SPIC: variants seen among roughly 807,000 people sequenced by gnomAD.
SPIC encodes the protein transcription factor Spi-C.
In SPIC, 9 loss-of-function variants were observed where a neutral mutation model predicts 16.7. The observed-to-expected ratio is 0.54, with a 90% CI of 0.33 to 0.94. The LOEUF (loss-of-function observed/expected upper bound fraction) is 0.94, where lower values mean the gene tolerates loss of function less well. SPIC is among the 40% of genes least tolerant of loss of function. The probability of loss-of-function intolerance (pLI) is 0.03; values close to 1 mark genes in which losing one functional copy is unlikely to be tolerated. For missense variants in SPIC, 241 were observed against 285.8 expected (o/e 0.84, Z 1.13); for synonymous variants, 97 against 102.9 (o/e 0.94, Z 0.35).
intron 3 of SPIC, among the ~76,000 whole-genome samples, chr12:101,478,637 C>T (rs925044786): frequency 7.9e-5 from 12 of 152,136 alleles, no homozygotes; most frequent in South Asian, 2.1e-4. Flanking sequence ...ATAGACAGTT[C>T]ATTTTAACTA....
chr12:101,476,354 A>T (rs1872957272), intron 1 of SPIC, among the ~76,000 whole-genome samples: 1 of 152,194 alleles, frequency 6.6e-6, no homozygotes, highest in South Asian at 2.1e-4. Flanking sequence ...TTCACAGGCT[A>T]AATTTTATTT....
At chr12:101,479,306 AAAAAG>A (rs1425949035) in intron 3 of SPIC, among the ~76,000 whole-genome samples, 2,536 of 38,402 alleles carry the variant, frequency 0.066, 187 homozygotes, top group African/African-American at 0.11. Flanking sequence ...GAAAGAAAGA[AAAAAG>A]AAAGAAAGAA....
Position 101,486,666 on chromosome 12 carries a change from A to C in SPIC, c.642A>C (p.Ser214=), listed in dbSNP as rs1873377023. ...TCCTGGGGAAAGAGATCTTCTATTCACAGTGTGTTCAACCTGATCAAGAAT... is the reference window on the plus strand; with the variant it reads ...TCCTGGGGAAAGAGATCTTCTATTCCCAGTGTGTTCAACCTGATCAAGAAT... ...SYFLGKEIFY[S]QCVQPDQEYL... is the part of the protein sequence containing the mutation. Residue 214 remains serine (S), a synonymous_variant, in exon 6 of 6, where the codon TCA becomes TCC. Transcript: ENST00000551346. 6.2e-7 allele frequency: 1 copy of C among 1,613,786 alleles called. No individual in the cohort carries two copies. The highest frequency in any genetic ancestry group is 1.3e-5 in the African/African-American group (1 of 74,908).
intron 4 of SPIC, among the ~76,000 whole-genome samples, chr12:101,482,026 T>A (rs941234036): frequency 2.1e-5 from 3 of 142,290 alleles, no homozygotes; most frequent in African/African-American, 7.7e-5. Flanking sequence ...GTGGATCGCC[T>A]GAGGTCGGGA....
At chr12:101,480,273 GT>G (rs1019564058) in intron 4 of SPIC, among the ~76,000 whole-genome samples, 1 of 152,222 alleles carries the variant, frequency 6.6e-6, no homozygotes, top group African/African-American at 2.4e-5. Flanking sequence ...TTTTCAGGAT[GT>G]TAATATCAGT....
intron 5 of SPIC, among the ~76,000 whole-genome samples, chr12:101,483,866 G>T (rs1873284296): frequency 6.6e-6 from 1 of 152,124 alleles, no homozygotes; most frequent in African/African-American, 2.4e-5. Flanking sequence ...TGGGATTACA[G>T]GTGTGAGCTA....
At chr12:101,479,351 GAA>G (rs1873114148) in intron 3 of SPIC, among the ~76,000 whole-genome samples, 1 of 150,476 alleles carries the variant, frequency 6.6e-6, no homozygotes, top group South Asian at 2.1e-4. Context: ...AAGAAAGAAA[GAA>G]AGAAATCATG....
intron 4 of SPIC, among the ~76,000 whole-genome samples, chr12:101,482,488 G>C (rs989864021): frequency 6.6e-5 from 10 of 152,074 alleles, no homozygotes; most frequent in African/African-American, 1.7e-4. Flanking sequence ...TCCAACACAG[G>C]AATGGAAGCC....
At chr12:101,477,738 C>A in intron 3 of SPIC, 87 bp downstream of exon 3, 1 of 1,201,276 alleles carries the variant, frequency 8.3e-7, no homozygotes, top group Non-Finnish European at 1.2e-6. Flanking sequence ...ATCAGCTGAC[C>A]AGGTGCTGTG....
rs755495968 is a variant in SPIC at position 101,479,695 on chromosome 12, G to C, written c.210+1G>C. 6.2e-7 allele frequency: 1 copy of C among 1,601,800 alleles called. No homozygotes were observed. The highest frequency in any genetic ancestry group is 1.7e-5 in the Admixed American group (1 of 59,882). On this transcript the variant is annotated splice_donor_variant, in intron 4 of 5. Coordinates refer to ENST00000551346, the MANE Select transcript of SPIC (RefSeq NM_152323.3). LOFTEE classifies it high-confidence loss of function. ...TGTCTATAATTGGAGAACGGTAATTGTAAGTATCAGACCATCCCTTAATAA... is the reference window on the plus strand; with the variant it reads ...TGTCTATAATTGGAGAACGGTAATTCTAAGTATCAGACCATCCCTTAATAA...
At position 101,486,973 on chromosome 12, in the gene SPIC, G is replaced by A. The variant is rs957635675; in HGVS notation, c.*202G>A. On this transcript the variant is annotated 3_prime_UTR_variant, in exon 6 of 6. Transcript: ENST00000551346. ...CTATACTAACTTGTTGGGAAATTCT[G>A]CCAATGAACAACTTTTTTATAATAC... The A allele has an allele frequency of 2.7e-6, 1 of 375,094 alleles. No individual in the cohort carries two copies. Among genetic ancestry groups the A allele is most frequent in the African/African-American group, 2.1e-5 (1 of 48,434 alleles). 23.2% of individuals were successfully genotyped at this position (375,094 alleles called of 1,614,324 possible). A position where few individuals can be genotyped will look rare whatever the true frequency, so the allele number is the denominator to read the frequency against.
At chr12:101,477,133 A>G (rs529817556) in intron 2 of SPIC, among the ~76,000 whole-genome samples, 82 of 152,336 alleles carry the variant, frequency 5.4e-4, no homozygotes, top group African/African-American at 1.9e-3. Context: ...TTCATTGAAG[A>G]TATTTCCTTG....
chr12:101,479,257 GGAAGGAAAGAAA>G (rs1565831220), intron 3 of SPIC, among the ~76,000 whole-genome samples: 60 of 87,602 alleles, frequency 6.8e-4, no homozygotes, highest in South Asian at 1.3e-3. Context: ...AAAGAAAGAA[GGAAGGAAAGAAA>G]GAAAGAAAGA....
At chr12:101,483,201 C>A (rs373293228) in intron 5 of SPIC, among the ~76,000 whole-genome samples, 1 of 151,442 alleles carries the variant, frequency 6.6e-6, no homozygotes, top group Non-Finnish European at 1.5e-5. Context: ...CCACCACACC[C>A]AGCCTCCTAT....
rs559641659 is a variant in SPIC at position 101,486,558 on chromosome 12, A to T, written c.534A>T (p.Arg178Ser). ...KMARALRNYG[R>S]SGEITKIRRK... The stretch of plus-strand genomic sequence containing the variant: ...CCAGGGCACTCAGAAATTACGGAAG[A>T]AGTGGGGAAATTACCAAAATCCGGA... The change falls in exon 6 of 6, where the codon AGA (arginine) becomes AGT (serine). Residue 178 changes from arginine to serine, a missense_variant. Arg to Ser is a moderately radical substitution (Grantham distance 110). Coordinates refer to ENST00000551346, the MANE Select transcript of SPIC (RefSeq NM_152323.3). The T allele has an allele frequency of 9.9e-6, 16 of 1,614,192 alleles. No homozygotes were observed. In the Admixed American group the frequency reaches 1.8e-4, roughly 18 times the overall value.
At chr12:101,479,532 A>C (rs1482919638) in intron 3 of SPIC, 50 bp from the exon 4 acceptor site, 2 of 1,449,062 alleles carry the variant, frequency 1.4e-6, no homozygotes, top group East Asian at 4.6e-5. Context: ...ATTTATATGC[A>C]CAAATACAAA....
intron 3 of SPIC, among the ~76,000 whole-genome samples, chr12:101,479,234 AAG>A (rs773285211): frequency 0.03 from 3,329 of 110,516 alleles, 115 homozygotes; most frequent in South Asian, 0.097. Context: ...GAAAGAAAGA[AAG>A]AAAGAAAAAG....
At chr12:101,485,895 A>G (rs1593495140) in intron 5 of SPIC, among the ~76,000 whole-genome samples, 1 of 152,086 alleles carries the variant, frequency 6.6e-6, no homozygotes, top group Non-Finnish European at 1.5e-5. Context: ...CCTGGGTTCG[A>G]GGGAGAATCC....
rs193189774 is a variant in SPIC at position 101,476,202 on chromosome 12, G to C, written c.-77-626G>C. Among the ~76,000 whole-genome samples, 3 of 152,272 alleles carry C rather than the reference G, an allele frequency of 2.0e-5. No individual in the cohort carries two copies. The East Asian group carries it at 5.8e-4, about 29-fold the overall frequency. ...TCCCTGTGTTGGTCTATAGAACGTA[G>C]AGTTAAAAGCATTTAATTGTGGGTC... On this transcript the variant is annotated intron_variant, in intron 1 of 5. Coordinates refer to ENST00000551346, the MANE Select transcript of SPIC (RefSeq NM_152323.3).
Sources: allele counts gnomAD v4.1 joint callset (sites outside exome capture counted in the v4.1 genomes callset), GRCh38; gene constraint gnomAD v4.1.1; transcripts MANE v1.5; gene names NCBI Gene and HGNC (gene_info 2026-07-23, HGNC 2026-07-21).